MYH14: variants seen among roughly 807,000 people sequenced by gnomAD.
The protein encoded by MYH14 is myosin heavy chain 14.
A neutral mutation model predicts 255.5 loss-of-function variants in MYH14; 123 were observed. That is an observed-to-expected ratio of 0.48 (90% CI 0.42 to 0.56). The LOEUF (loss-of-function observed/expected upper bound fraction) is 0.56, where lower values mean the gene tolerates loss of function less well. Ranked by LOEUF, MYH14 falls within the 20% of genes least tolerant of loss-of-function variation. The probability of loss-of-function intolerance (pLI) is 0.00; values close to 1 mark genes in which losing one functional copy is unlikely to be tolerated. For missense variants in MYH14, 2,423 were observed against 2,802.3 expected (o/e 0.86, Z 3.06); for synonymous variants, 1,095 against 1,161.2 (o/e 0.94, Z 1.16).
chr19:50,252,521 G>A lies in MYH14; in HGVS notation c.1831-118G>A, dbSNP rs562422836. The stretch of plus-strand genomic sequence containing the variant: ...TGGACACAAGGTGGCACCAGTGCTC[G>A]CTTGTCCATGGTGAGCTCCAGACCT... On this transcript the variant is annotated intron_variant, in intron 15 of 42. Coordinates refer to ENST00000642316, the MANE Select transcript of MYH14 (RefSeq NM_001145809.2). This position sits in a 1 kb window ranked among gnomAD's most constrained non-coding sequence, Gnocchi z 4.2. The A allele has an allele frequency of 1.9e-4, 141 of 730,952 alleles. No homozygotes were observed. Among genetic ancestry groups the A allele is most frequent in the South Asian group, 8.5e-4 (57 of 66,696 alleles). 45.3% of individuals were successfully genotyped at this position (730,952 alleles called of 1,614,324 possible). A position where few individuals can be genotyped will look rare whatever the true frequency, so the allele number is the denominator to read the frequency against.
chr19:50,256,463 C>A (rs2034595272), intron 17 of MYH14, among the ~76,000 whole-genome samples: 1 of 152,208 alleles, frequency 6.6e-6, no homozygotes, highest in South Asian at 2.1e-4. Flanking sequence ...CCTCTGCCTC[C>A]CAGGTTCAAG....
rs1600983088 is a variant in MYH14 at position 50,267,059 on chromosome 19, G to T, written c.2826+51G>T. 4.7e-6 allele frequency: 7 copies of T among 1,488,774 alleles called. No individual in the cohort carries two copies. In the East Asian group the frequency reaches 1.7e-4, roughly 37 times the overall value. The allele number at this position is 1,488,774 out of a possible 1,614,324, so 92.2% of individuals were successfully genotyped here. Reference sequence around the variant, plus strand: ...GGGCGTGTCTTCGGGGTGGGGCTGTGTCGCATGGGTGGAGCCAGGTGTGAG... The same window carrying T: ...GGGCGTGTCTTCGGGGTGGGGCTGTTTCGCATGGGTGGAGCCAGGTGTGAG... On this transcript the variant is annotated intron_variant, in intron 23 of 42. Coordinates refer to ENST00000642316, the MANE Select transcript of MYH14 (RefSeq NM_001145809.2).
chr19:50,296,485 C>T (rs769303082), intron 39 of MYH14, among the ~76,000 whole-genome samples: 12 of 152,004 alleles, frequency 7.9e-5, no homozygotes, highest in Non-Finnish European at 1.6e-4. Flanking sequence ...GGCACGCCTG[C>T]GGCCCCAGCT....
Position 50,275,984 on chromosome 19 carries a change from C to A in MYH14, c.3468-7C>A. Reference sequence around the variant, plus strand: ...TGTATCAACTCCACGGTTCTTGTCACCCCCAGGGCAGAAGACGAGGGTGGG... The same window carrying A: ...TGTATCAACTCCACGGTTCTTGTCAACCCCAGGGCAGAAGACGAGGGTGGG... On this transcript the variant is annotated splice_region_variant and splice_polypyrimidine_tract_variant and intron_variant, in intron 27 of 42. Transcript: ENST00000642316. 2 of 1,610,180 alleles carry A rather than the reference C, an allele frequency of 1.2e-6. No individual in the cohort carries two copies. The highest frequency in any genetic ancestry group is 1.7e-6 in the Non-Finnish European group (2 of 1,177,830).
chr19:50,262,574 G>A (rs1454131721), intron 21 of MYH14, among the ~76,000 whole-genome samples: 2 of 151,836 alleles, frequency 1.3e-5, no homozygotes, highest in African/African-American at 2.4e-5. Context: ...AGAGTGGCAG[G>A]AAAGGATGGC....
Position 50,291,060 on chromosome 19 carries a change from C to A in MYH14, c.5127+12C>A, listed in dbSNP as rs373755483. 6.2e-7 allele frequency: 1 copy of A among 1,611,512 alleles called. No individual in the cohort carries two copies. The highest frequency in any genetic ancestry group is 1.3e-5 in the African/African-American group (1 of 74,978). ...TTCGCAAGATGCAGGTAAGAGCCGG[C>A]GTGAGCTGCAGGGAGGGGAGGCTTT... is the stretch of plus-strand genomic sequence containing the variant. On this transcript the variant is annotated intron_variant, in intron 36 of 42. Coordinates refer to ENST00000642316, the MANE Select transcript of MYH14 (RefSeq NM_001145809.2).
rs746846891 is a variant in MYH14, at chr19:50,309,311, C to T, written c.5960+134C>T. 2.3e-5 allele frequency: 21 copies of T among 911,212 alleles called. No individual in the cohort carries two copies. The Admixed American group carries it at 2.8e-4, about 12-fold the overall frequency. The allele number at this position is 911,212 out of a possible 1,614,324, so 56.4% of individuals were successfully genotyped here. A position where few individuals can be genotyped will look rare whatever the true frequency, so the allele number is the denominator to read the frequency against. ...CGGGGGTGTGGGGCTGTGGGAGCAG[C>T]GGCTGTGTTGCGGGAGAGCCAAATC... On this transcript the variant is annotated intron_variant, in intron 42 of 42. Transcript: ENST00000642316.
At chr19:50,297,299 C>T (rs182930536) in intron 39 of MYH14, among the ~76,000 whole-genome samples, 40 of 151,794 alleles carry the variant, frequency 2.6e-4, no homozygotes, top group Admixed American at 1.1e-3. Flanking sequence ...TGTATTCTCT[C>T]GTGGTCCTGG....
chr19:50,224,027 C>A, intron 5 of MYH14, 127 bp from the exon 6 acceptor site: 1 of 713,404 alleles, frequency 1.4e-6, no homozygotes, highest in Admixed American at 2.0e-5. Context: ...TCCACATGCC[C>A]GGTTTCCCCA....
Position 50,293,138 on chromosome 19 carries a change from C to T in MYH14, c.5257-95C>T. ...CCCAGGGACAGCATGAGAAAAAAGC[C>T]AAGAGCCTTGAGGTGTGAGGGACAG... is the stretch of plus-strand genomic sequence containing the variant. On this transcript the variant is annotated intron_variant, in intron 37 of 42. Transcript: ENST00000642316. This position sits in a 1 kb window ranked among gnomAD's most constrained non-coding sequence, Gnocchi z 4.1. 1 of 880,422 alleles carries T rather than the reference C, an allele frequency of 1.1e-6. No homozygotes were observed. Among genetic ancestry groups the T allele is most frequent in the South Asian group, 1.4e-5 (1 of 70,268 alleles). 54.5% of individuals were successfully genotyped at this position (880,422 alleles called of 1,614,324 possible).
At chr19:50,211,100 A>G (rs1458269910) in intron 2 of MYH14, among the ~76,000 whole-genome samples, 2 of 152,166 alleles carry the variant, frequency 1.3e-5, no homozygotes, top group African/African-American at 2.4e-5. Context: ...AATGTGAATC[A>G]CTGAGTATAG....
chr19:50,225,662 C>A lies in MYH14; in HGVS notation c.795C>A (p.Asp265Glu). The A allele has an allele frequency of 1.2e-6, 2 of 1,613,802 alleles. No homozygotes were observed. Among genetic ancestry groups the A allele is most frequent in the South Asian group, 1.1e-5 (1 of 91,044 alleles). The part of the protein sequence containing the change: ...AFGNAKTVKN[D>E]NSSRFGKFIR... ...GCAATGCCAAGACAGTGAAGAATGA[C>A]AACTCCTCCCGATTCGTGAGTGCCA... is the stretch of plus-strand genomic sequence containing the variant. The change falls in exon 7 of 43, where the codon GAC becomes GAA. Residue 265 changes from aspartate (D) to glutamate (E), a missense_variant. Asp to Glu is a conservative substitution (Grantham distance 45, BLOSUM62 2). Transcript: ENST00000642316.
rs11365121 is a variant in MYH14 at position 50,277,917 on chromosome 19, C to CAA, written c.3826-151_3826-150dup. 2.1e-3 allele frequency among the ~76,000 whole-genome samples: 254 copies of CAA among 122,230 alleles called. 2 individuals are homozygous for CAA. The highest frequency in any genetic ancestry group is 6.9e-3 in the African/African-American group (237 of 34,436). The allele number at this position is 122,230 out of a possible 152,430, so 80.2% of individuals were successfully genotyped here. A position where few individuals can be genotyped will look rare whatever the true frequency, so the allele number is the denominator to read the frequency against. On this transcript the variant is annotated intron_variant, in intron 29 of 42. Coordinates refer to ENST00000642316, the MANE Select transcript of MYH14 (RefSeq NM_001145809.2). ...GGGCAACAAGACTGAAGCACTGTCT[C>CAA]AAAAAAAAAAAAAAAATTGGGAGTG... is the stretch of plus-strand genomic sequence containing the variant.
In MYH14 at chr19:50,309,845, G is replaced by A. The variant is rs1193145624; in HGVS notation, c.*55G>A. 6.5e-7 allele frequency: 1 copy of A among 1,528,256 alleles called. No homozygotes were observed. Among genetic ancestry groups the A allele is most frequent in the South Asian group, 1.2e-5 (1 of 83,500 alleles). The allele number at this position is 1,528,256 out of a possible 1,614,324, so 94.7% of individuals were successfully genotyped here. On this transcript the variant is annotated 3_prime_UTR_variant, in exon 43 of 43. Coordinates refer to ENST00000642316, the MANE Select transcript of MYH14 (RefSeq NM_001145809.2). ...ATGGGGCCCAGCCCCCTTCCTCCCT[G>A]GACCCCACGGGCCCCTGTCCCAGGA...
At chr19:50,260,834 T>A (rs1291936227) in intron 20 of MYH14, 119 bp downstream of exon 20, 2 of 718,876 alleles carry the variant, frequency 2.8e-6, no homozygotes, top group Admixed American at 4.4e-5. Context: ...TGTGTGTGCA[T>A]GCACGTGTGT....
intron 33 of MYH14, 136 bp from the exon 34 acceptor site, chr19:50,286,346 C>T: frequency 3.5e-6 from 3 of 859,552 alleles, no homozygotes; most frequent in Non-Finnish European, 5.4e-6. Context: ...ATCCCTCTAC[C>T]TCCCTCTTGT....
At chr19:50,306,050 G>A (rs533238359) in intron 40 of MYH14, among the ~76,000 whole-genome samples, 3 of 152,154 alleles carry the variant, frequency 2.0e-5, no homozygotes, top group South Asian at 2.1e-4. Context: ...AGGCCGAGGC[G>A]GGCGGATCAT....
At chr19:50,309,267 C>A in intron 42 of MYH14, 90 bp downstream of exon 42, 1 of 1,319,348 alleles carries the variant, frequency 7.6e-7, no homozygotes, top group Non-Finnish European at 1.1e-6. Context: ...GGGGCAACAA[C>A]AGGGGGAAAT....
intron 5 of MYH14, among the ~76,000 whole-genome samples, chr19:50,223,752 A>C (rs1037548302): frequency 6.6e-6 from 1 of 152,114 alleles, no homozygotes; most frequent in Non-Finnish European, 1.5e-5. Context: ...GTTTTCCTGC[A>C]CTGAAGACGG....
Sources: gnomAD v4.1 joint callset for allele counts (sites outside exome capture counted in the v4.1 genomes callset) on GRCh38, gnomAD v4.1.1 for gene constraint, Gnocchi (gnomAD v3.1) non-coding constraint, MANE v1.5 for transcripts, NCBI Gene and HGNC (gene_info 2026-07-23, HGNC 2026-07-21) for gene names.